Variants in HYDIN observed in about 807,000 individuals in gnomAD.
The protein encoded by HYDIN is axonemal central pair apparatus protein HYDIN.
In HYDIN, 132 loss-of-function variants were observed where a neutral mutation model predicts 403.9. The observed-to-expected ratio is 0.33, with a 90% confidence interval of 0.28 to 0.38. The LOEUF (loss-of-function observed/expected upper bound fraction) is 0.38. Among genes scored for constraint, HYDIN ranks in the 10% least tolerant of loss-of-function variants. The pLI, the probability that HYDIN is intolerant of heterozygous loss-of-function variation, is 1.00. For synonymous variants in HYDIN, 1,202 were observed against 1,891.7 expected, an observed-to-expected ratio of 0.64 and a Z score of 9.46; for missense variants, 2,827 against 5,009.5, an observed-to-expected ratio of 0.56 and a Z score of 13.15.
chr16:71,004,784 G>A (rs1252792069), intron 23 of HYDIN, among the ~76,000 whole-genome samples: 1 of 152,122 alleles, frequency 6.6e-6, no homozygotes, highest in African/African-American at 2.4e-5. Flanking sequence ...TCTGAAAAGA[G>A]TTTAAGTTTG....
intron 1 of HYDIN, among the ~76,000 whole-genome samples, chr16:71,190,045 G>A (rs1247643413): frequency 3.3e-5 from 5 of 151,922 alleles, no homozygotes; most frequent in East Asian, 3.9e-4. Flanking sequence ...ACAAGCTTGC[G>A]ATGATTTTCT....
chr16:70,808,041 C>A lies in HYDIN; in HGVS notation c.14905G>T (p.Ala4969Ser). The change falls in exon 86 of 86, where the codon GCA becomes TCA. Residue 4969 changes from alanine to serine, a missense_variant. Ala to Ser is a moderately conservative substitution (Grantham distance 99). Transcript: ENST00000393567. ...YCRTDCTDFH[A>S]EKLINAAPGG... Reference sequence around the variant, plus strand: ...GGGGCTGCATTAATGAGTTTTTCTGCGTGGAAGTCTGTACAGTCGGTCTGA... The same window carrying A: ...GGGGCTGCATTAATGAGTTTTTCTGAGTGGAAGTCTGTACAGTCGGTCTGA... 6.2e-7 allele frequency: 1 copy of A among 1,611,914 alleles called. No individual in the cohort carries two copies. Among genetic ancestry groups the A allele is most frequent in the Non-Finnish European group, 8.5e-7 (1 of 1,178,770 alleles).
At position 70,857,307 on chromosome 16, in the gene HYDIN, A is replaced by T. The variant is rs1281961797; in HGVS notation, c.12295+398T>A. Reference sequence around the variant, plus strand: ...TCAGTGATATTTGTTGAACCAAATAAATGCACGAAAGGATGAGAGAGAAAT... The same window carrying T: ...TCAGTGATATTTGTTGAACCAAATATATGCACGAAAGGATGAGAGAGAAAT... On this transcript the variant is annotated intron_variant, in intron 72 of 85. Transcript: ENST00000393567. 1.8e-4 allele frequency among the ~76,000 whole-genome samples: 9 copies of T among 49,264 alleles called. 3 individuals are homozygous for T. The allele number at this position is 49,264 out of a possible 152,430, so 32.3% of individuals were successfully genotyped here. A position where few individuals can be genotyped will look rare whatever the true frequency, so the allele number is the denominator to read the frequency against.
chr16:70,996,257 C>A lies in HYDIN; in HGVS notation c.3645-4047G>T, dbSNP rs571572016. ...AGAGCCCTCCCTCAATAAGTCACCT[C>A]AAGAACCACACTCTCGGGCTCTCCT... On this transcript the variant is annotated intron_variant, in intron 23 of 85. Transcript: ENST00000393567. Among the ~76,000 whole-genome samples the A allele has an allele frequency of 9.8e-5, 15 of 152,360 alleles. No homozygotes were observed. In the South Asian group the frequency reaches 2.9e-3, roughly 29 times the overall value.
At chr16:71,178,773 G>A (rs373033268) in intron 4 of HYDIN, among the ~76,000 whole-genome samples, 155 bp downstream of exon 4, 9 of 152,036 alleles carry the variant, frequency 5.9e-5, no homozygotes, top group Admixed American at 2.0e-4. Flanking sequence ...CAGCCTTGTC[G>A]TCATTAAGTT....
At chr16:71,140,017 A>T (rs2144545109) in intron 7 of HYDIN, among the ~76,000 whole-genome samples, 1 of 151,566 alleles carries the variant, frequency 6.6e-6, no homozygotes, top group South Asian at 2.1e-4. Flanking sequence ...ATTATTTTTA[A>T]AGTTTCCACA....
chr16:70,991,957 C>T lies in HYDIN; in HGVS notation c.3785+113G>A, dbSNP rs2079366830. On this transcript the variant is annotated intron_variant, in intron 24 of 85. Coordinates refer to ENST00000393567, the MANE Select transcript of HYDIN (RefSeq NM_001270974.2). ...CTACACATAGAAGACATTTATTAAA[C>T]TGTTGACTGGGTACTGGATGAATGA... 2.6e-6 allele frequency: 4 copies of T among 1,545,546 alleles called. No individual in the cohort carries two copies. In the Admixed American group the frequency reaches 7.6e-5, roughly 29 times the overall value.
At chr16:71,206,954 G>C (rs1429884192) in intron 1 of HYDIN, among the ~76,000 whole-genome samples, 1 of 152,144 alleles carries the variant, frequency 6.6e-6, no homozygotes, top group Non-Finnish European at 1.5e-5. Context: ...TGACTCACTG[G>C]TGTCCATGAA....
At chr16:70,899,131 C>T (rs1419959769) in intron 53 of HYDIN, among the ~76,000 whole-genome samples, 2 of 151,958 alleles carry the variant, frequency 1.3e-5, no homozygotes. Flanking sequence ...TGAGTGCCTA[C>T]TTCATCCAAT....
At chr16:71,098,758 G>GAAAAAAAA (rs2083365696) in intron 10 of HYDIN, among the ~76,000 whole-genome samples, 3 of 118,648 alleles carry the variant, frequency 2.5e-5, no homozygotes, top group African/African-American at 9.3e-5. Flanking sequence ...AAAAAAAAAG[G>GAAAAAAAA]AGATGTGTTG....
intron 67 of HYDIN, among the ~76,000 whole-genome samples, chr16:70,864,330 C>CAAAAA (rs57022903): frequency 2.5e-4 from 1 of 4,006 alleles, no homozygotes; most frequent in African/African-American, 2.2e-3. Context: ...GACTCCGGCT[C>CAAAAA]AAAAAAAAAA....
chr16:70,856,729 A>G (rs2039049057), intron 72 of HYDIN, among the ~76,000 whole-genome samples: 1 of 152,206 alleles, frequency 6.6e-6, no homozygotes, highest in Admixed American at 6.5e-5. Context: ...CTTATGCTAC[A>G]TTGCTTATTT....
intron 11 of HYDIN, 88 bp downstream of exon 11, chr16:71,093,729 C>CT (rs2083186454): frequency 6.7e-7 from 1 of 1,481,606 alleles, no homozygotes; most frequent in Non-Finnish European, 9.0e-7. Context: ...ATTGCATACT[C>CT]TTTCCATCAA....
At chr16:71,089,686 T>C (rs934515738) in intron 11 of HYDIN, among the ~76,000 whole-genome samples, 4 of 152,216 alleles carry the variant, frequency 2.6e-5, no homozygotes, top group South Asian at 4.1e-4. Flanking sequence ...TAGTGGGGCA[T>C]GACTGCAGAA....
At chr16:71,010,997 A>C (rs1277410939) in intron 23 of HYDIN, among the ~76,000 whole-genome samples, 1 of 152,238 alleles carries the variant, frequency 6.6e-6, no homozygotes, top group African/African-American at 2.4e-5. Context: ...GCAGCCTGGT[A>C]TAAGAAAAGG....
chr16:71,039,393 G>A (rs2081207330), intron 18 of HYDIN, among the ~76,000 whole-genome samples: 1 of 152,214 alleles, frequency 6.6e-6, no homozygotes, highest in South Asian at 2.1e-4. Flanking sequence ...GGGACGGGGG[G>A]CAGAGGAATT....
At chr16:71,173,733 T>C (rs565953673) in intron 5 of HYDIN, among the ~76,000 whole-genome samples, 2 of 152,318 alleles carry the variant, frequency 1.3e-5, no homozygotes, top group Non-Finnish European at 2.9e-5. Context: ...AGCACAAATA[T>C]AAATGTTTTG....
At chr16:70,865,283 G>C (rs1379160027) in intron 67 of HYDIN, 6 of 357,126 alleles carry the variant, frequency 1.7e-5, no homozygotes, top group African/African-American at 4.3e-5. Context: ...TTCAGCTGGG[G>C]AACTACCTTG....
At chr16:71,179,199 G>T (rs2086803650) in intron 3 of HYDIN, 152 bp from the exon 4 acceptor site, 1 of 526,460 alleles carries the variant, frequency 1.9e-6, no homozygotes, top group Non-Finnish European at 3.3e-6. Flanking sequence ...CATTGTAAAA[G>T]CACTAAAACA....
Sources: gnomAD v4.1 joint callset for allele counts (sites outside exome capture counted in the v4.1 genomes callset) on GRCh38, gnomAD v4.1.1 for gene constraint, MANE v1.5 for transcripts, NCBI Gene and HGNC (gene_info 2026-07-23, HGNC 2026-07-21) for gene names.